RBFOX3: variants seen among roughly 807,000 people sequenced by gnomAD.
RBFOX3 encodes the protein RNA binding fox-1 homolog 3, also known as RNA binding protein fox-1 homolog 3.
In RBFOX3, 17 loss-of-function variants were observed where a neutral mutation model predicts 48.7. The ratio of observed to expected loss-of-function variants is 0.35; its 90% CI spans 0.24 to 0.52. The LOEUF (loss-of-function observed/expected upper bound fraction) is 0.52, where lower values mean the gene tolerates loss of function less well. Ranked by LOEUF, RBFOX3 falls within the 20% of genes least tolerant of loss-of-function variation. The pLI is 0.94. For missense variants in RBFOX3, 382 were observed against 497.5 expected (o/e 0.77, Z 2.21); for synonymous variants, 212 against 209.5 (o/e 1.01, Z -0.10).
chr17:79,223,974 C>G (rs1386399702), intron 4 of RBFOX3, among the ~76,000 whole-genome samples: 1 of 152,158 alleles, frequency 6.6e-6, no homozygotes. Flanking sequence ...GAGGGAGAGA[C>G]AGCAGAAGGG....
chr17:79,282,100 C>G (rs1472950582), intron 3 of RBFOX3, among the ~76,000 whole-genome samples: 3 of 152,156 alleles, frequency 2.0e-5, no homozygotes, highest in African/African-American at 7.2e-5. Context: ...TGAAATAGTG[C>G]TGACCAAAGG....
At chr17:79,484,130 T>TC (rs1360925115) in intron 1 of RBFOX3, among the ~76,000 whole-genome samples, 3 of 151,622 alleles carry the variant, frequency 2.0e-5, no homozygotes, top group African/African-American at 7.3e-5. Flanking sequence ...TCTCCCTGAA[T>TC]CCCCCCCACC....
chr17:79,096,741 T>C lies in RBFOX3; in HGVS notation c.848A>G (p.Tyr283Cys), dbSNP rs1326070265. 4 of 1,533,512 alleles carry C rather than the reference T, an allele frequency of 2.6e-6. No individual in the cohort carries two copies. The Admixed American group carries it at 7.9e-5, about 30-fold the overall frequency. 95.0% of individuals were successfully genotyped at this position (1,533,512 alleles called of 1,614,324 possible). ...LPPQQTPEPA[Y>C]PTSPAFPPLS... ...TGGTGGGAACGCTGGAGAGGTGGGG[T>C]AGGCCGGCTCCGGTGTCTGCTGAGG... Residue 283 changes from tyrosine to cysteine, a missense_variant, in exon 12 of 15, where the codon TAC becomes TGC. Transcript: ENST00000693108.
intron 2 of RBFOX3, among the ~76,000 whole-genome samples, chr17:79,323,780 G>A (rs1040871872): frequency 2.0e-5 from 3 of 152,256 alleles, no homozygotes; most frequent in Non-Finnish European, 2.9e-5. Flanking sequence ...GGCCGGTGGT[G>A]TGTGGAGCAA....
rs2054106668 is a variant in RBFOX3 at position 79,189,808 on chromosome 17, AAG to A, written c.-34+45956_-34+45957del. Among the ~76,000 whole-genome samples the A allele has an allele frequency of 2.0e-5, 3 of 152,326 alleles. No homozygotes were observed. In the South Asian group the frequency reaches 6.2e-4, roughly 32 times the overall value. On this transcript the variant is annotated intron_variant, in intron 4 of 14. Coordinates refer to ENST00000693108, the MANE Select transcript of RBFOX3 (RefSeq NM_001350451.2). ...GCCCAGACCATAGATGGCTACAGAA[AAG>A]AGAGTCCTGAATGGCTTGGGAAGTT...
intron 2 of RBFOX3, among the ~76,000 whole-genome samples, chr17:79,331,413 G>A (rs2080269295): frequency 6.6e-6 from 1 of 152,160 alleles, no homozygotes; most frequent in African/African-American, 2.4e-5. Flanking sequence ...AGCCTCTGGG[G>A]GGTGCATCAC....
At chr17:79,152,878 A>G (rs913635002) in intron 4 of RBFOX3, among the ~76,000 whole-genome samples, 8 of 152,096 alleles carry the variant, frequency 5.3e-5, no homozygotes, top group Admixed American at 2.0e-4. Context: ...CGCATTGCCC[A>G]TTGCTTTCTT....
chr17:79,524,304 A>G (rs2086512440), intron 1 of RBFOX3, among the ~76,000 whole-genome samples: 1 of 152,196 alleles, frequency 6.6e-6, no homozygotes, highest in Non-Finnish European at 1.5e-5. Flanking sequence ...ACCAATATTT[A>G]CAAACACTGT....
chr17:79,330,150 T>C (rs1350757916), intron 2 of RBFOX3, among the ~76,000 whole-genome samples: 1 of 152,194 alleles, frequency 6.6e-6, no homozygotes, highest in Non-Finnish European at 1.5e-5. Flanking sequence ...TGTACCTGCG[T>C]GTCTTCACTG....
chr17:79,172,010 C>T (rs761219936), intron 4 of RBFOX3, among the ~76,000 whole-genome samples: 13 of 151,466 alleles, frequency 8.6e-5, no homozygotes, highest in Non-Finnish European at 1.3e-4. Flanking sequence ...CCTGTCTGTA[C>T]GAAAAATATA....
chr17:79,129,312 T>G (rs550568251), intron 4 of RBFOX3, among the ~76,000 whole-genome samples: 5 of 152,190 alleles, frequency 3.3e-5, no homozygotes. Context: ...AGCACACACA[T>G]CCAGGATGTA....
chr17:79,154,815 C>A (rs1395299813), intron 4 of RBFOX3, among the ~76,000 whole-genome samples: 1 of 151,784 alleles, frequency 6.6e-6, no homozygotes, highest in Non-Finnish European at 1.5e-5. Context: ...TGGGCCTCCC[C>A]CAAACCCTCT....
intron 4 of RBFOX3, among the ~76,000 whole-genome samples, chr17:79,148,798 C>T (rs555902287): frequency 4.6e-5 from 7 of 152,278 alleles, no homozygotes; most frequent in African/African-American, 7.2e-5. Flanking sequence ...CTGCAGCCTC[C>T]GAGGGCCTCT....
At position 79,252,117 on chromosome 17, in the gene RBFOX3, C is replaced by T. The variant is rs1031770170; in HGVS notation, c.-73-16312G>A. Among the ~76,000 whole-genome samples, 2 of 152,202 alleles carry T rather than the reference C, an allele frequency of 1.3e-5. No homozygotes were observed. The highest frequency in any genetic ancestry group is 2.9e-5 in the Non-Finnish European group (2 of 68,026). ...GGGCTGGCCCACACCCTCCTGGTCTCCCCATGGCTCTGGCCCTTCCTCCTG... is the reference window on the plus strand; with the variant it reads ...GGGCTGGCCCACACCCTCCTGGTCTTCCCATGGCTCTGGCCCTTCCTCCTG... On this transcript the variant is annotated intron_variant, in intron 3 of 14. Transcript: ENST00000693108. This position sits in a 1 kb window ranked among gnomAD's most constrained non-coding sequence, Gnocchi z 4.0.
Position 79,477,703 on chromosome 17 carries a change from G to A in RBFOX3, c.-175+4751C>T, listed in dbSNP as rs1403164304. 2.0e-5 allele frequency among the ~76,000 whole-genome samples: 3 copies of A among 152,178 alleles called. No homozygotes were observed. Among genetic ancestry groups the A allele is most frequent in the Admixed American group, 6.5e-5 (1 of 15,282 alleles). On this transcript the variant is annotated intron_variant, in intron 2 of 14. Transcript: ENST00000693108. The surrounding 1 kb of genome is among the most constrained non-coding windows in gnomAD (Gnocchi z 4.8). ...TGGTGAACAAGCAAAGGGGCAGGGTGGCAGAATTAGGCAGGATCAGAATGA... is the reference window on the plus strand; with the variant it reads ...TGGTGAACAAGCAAAGGGGCAGGGTAGCAGAATTAGGCAGGATCAGAATGA...
intron 3 of RBFOX3, among the ~76,000 whole-genome samples, chr17:79,261,727 G>A (rs551909885): frequency 1.3e-5 from 2 of 152,210 alleles, no homozygotes; most frequent in Non-Finnish European, 1.5e-5. Context: ...ATCCCATCCC[G>A]CACTGGTCGC....
At chr17:79,581,354 T>C (rs2093053074) in intron 1 of RBFOX3, among the ~76,000 whole-genome samples, 1 of 152,148 alleles carries the variant, frequency 6.6e-6, no homozygotes, top group African/African-American at 2.4e-5. Context: ...GAAGGAAGAC[T>C]TCCCCTCGGG....
intron 2 of RBFOX3, among the ~76,000 whole-genome samples, chr17:79,464,244 C>A (rs2076019056): frequency 6.6e-6 from 1 of 152,226 alleles, no homozygotes; most frequent in African/African-American, 2.4e-5. Flanking sequence ...GGAGACTGGC[C>A]GATTTCCTCT....
chr17:79,255,555 G>T (rs758741654), intron 3 of RBFOX3, among the ~76,000 whole-genome samples: 6 of 152,108 alleles, frequency 3.9e-5, no homozygotes, highest in Non-Finnish European at 8.8e-5. Flanking sequence ...GCAGCCAGAA[G>T]CCGAGGCTAG....
Sources: allele counts gnomAD v4.1 joint callset (sites outside exome capture counted in the v4.1 genomes callset), GRCh38; gene constraint gnomAD v4.1.1; non-coding constraint Gnocchi (gnomAD v3.1); transcripts MANE v1.5; gene names NCBI Gene and HGNC (gene_info 2026-07-23, HGNC 2026-07-21).